Variants in CNPY3 observed in about 807,000 individuals in gnomAD.
The protein encoded by CNPY3 is canopy FGF signaling regulator 3.
A neutral mutation model predicts 32.0 loss-of-function variants in CNPY3; 20 were observed. The ratio of observed to expected loss-of-function variants is 0.63; its 90% CI spans 0.44 to 0.91. The LOEUF (loss-of-function observed/expected upper bound fraction) is 0.91, where lower values mean the gene tolerates loss of function less well. Among genes scored for constraint, CNPY3 ranks in the 40% least tolerant of loss-of-function variants. CNPY3 has a pLI of 0.00. For missense variants in CNPY3, 299 were observed against 340.8 expected (o/e 0.88, Z 0.97); for synonymous variants, 138 against 142.9 (o/e 0.97, Z 0.24).
At chr6:42,935,998 G>A (rs1562543771) in intron 3 of CNPY3, among the ~76,000 whole-genome samples, 1 of 147,180 alleles carries the variant, frequency 6.8e-6, no homozygotes, top group African/African-American at 2.6e-5. Flanking sequence ...AAAGGTGGGG[G>A]TTTAGGCGAG....
chr6:42,934,523 G>A lies in CNPY3; in HGVS notation c.200G>A (p.Gly67Asp). The change falls in exon 2 of 6, where the codon GGC becomes GAC. Residue 67 changes from glycine to aspartate, a missense_variant. Around this residue, in one of 2 missense-constraint regions of CNPY3, gnomAD observed 211 missense variants for 278.3 expected, o/e 0.76. Coordinates refer to ENST00000372836, the MANE Select transcript of CNPY3 (RefSeq NM_006586.5). ...VELKSAFEET[G>D]KTKEVIGTGY... ...CTGAAGTCAGCCTTTGAGGAAACCG[G>A]CAAGACCAAGGAGGTGATTGGCACG... 6.2e-7 allele frequency: 1 copy of A among 1,614,090 alleles called. No homozygotes were observed. The highest frequency in any genetic ancestry group is 1.3e-5 in the African/African-American group (1 of 75,030).
intron 2 of CNPY3, 132 bp downstream of exon 2, chr6:42,934,730 C>T (rs1023399087): frequency 8.3e-7 from 1 of 1,207,736 alleles, no homozygotes; most frequent in Admixed American, 2.3e-5. Context: ...AGTTTGCCCA[C>T]TGATTCTGTC....
At chr6:42,930,770 C>T (rs951036506) in intron 1 of CNPY3, among the ~76,000 whole-genome samples, 6 of 152,158 alleles carry the variant, frequency 3.9e-5, no homozygotes, top group African/African-American at 9.7e-5. Flanking sequence ...GGGTAAGTTT[C>T]GGACACATAA....
At chr6:42,935,390 G>T in intron 2 of CNPY3, 184 bp from the exon 3 acceptor site, 3 of 984,646 alleles carry the variant, frequency 3.0e-6, no homozygotes, top group African/African-American at 3.5e-5. Context: ...TTAAAATTTT[G>T]TCTCTCTGGT....
chr6:42,937,350 C>T lies in CNPY3; in HGVS notation c.373-367C>T, dbSNP rs187199343. On this transcript the variant is annotated intron_variant, in intron 3 of 5. Coordinates refer to ENST00000372836, the MANE Select transcript of CNPY3 (RefSeq NM_006586.5). ...AGGTGCGGTGGCTCACGCCTGTAAT[C>T]TCAGCACTTTGGGAGGCTGAGGTGA... Among the ~76,000 whole-genome samples, 295 of 152,164 alleles carry T rather than the reference C, an allele frequency of 1.9e-3. 1 individual carries two copies. Among genetic ancestry groups the T allele is most frequent in the African/African-American group, 6.4e-3 (267 of 41,518 alleles).
At position 42,929,628 on chromosome 6, in the gene CNPY3, C is replaced by G. The variant is rs756581137; in HGVS notation, c.58C>G (p.Leu20Val). 7 of 1,553,604 alleles carry G rather than the reference C, an allele frequency of 4.5e-6. No individual in the cohort carries two copies. In the African/African-American group the frequency reaches 9.5e-5, roughly 21 times the overall value. The change falls in exon 1 of 6, where the codon CTG (leucine) becomes GTG (valine). Residue 20 changes from leucine to valine, a missense_variant. Physicochemically the swap from Leu to Val is conservative, Grantham distance 32. Coordinates refer to ENST00000372836, the MANE Select transcript of CNPY3 (RefSeq NM_006586.5). ...TCTTCTGCTTCTTCCCTTGCTGCTG[C>G]TGCTGCTGCTGCTGCTGCCGGCCCC... ...RCLLLLPLLL[L>V]LLLLLPAPEL...
upstream of CNPY3, among the ~76,000 whole-genome samples, chr6:42,928,433 G>C (rs1450888742): frequency 6.6e-6 from 1 of 150,742 alleles, no homozygotes; most frequent in Admixed American, 6.6e-5. Flanking sequence ...CATTAGCCAC[G>C]GCGCCTGGCC....
chr6:42,929,748 A>G lies in CNPY3; in HGVS notation c.151+27A>G, dbSNP rs1032303175. ...TGAGGAGGCGGGGCCCGTGGGGCGT[A>G]TCCTGCCGGAGGGGCTGGCTCCAGC... is the stretch of plus-strand genomic sequence containing the variant. On this transcript the variant is annotated intron_variant, in intron 1 of 5. Coordinates refer to ENST00000372836, the MANE Select transcript of CNPY3 (RefSeq NM_006586.5). The G allele has an allele frequency of 5.2e-6, 8 of 1,533,454 alleles. No homozygotes were observed. In the South Asian group the frequency reaches 8.4e-5, roughly 16 times the overall value. 95.0% of individuals were successfully genotyped at this position (1,533,454 alleles called of 1,614,324 possible).
rs752585500 is a variant in CNPY3, at chr6:42,937,753, G to A, written c.409G>A (p.Val137Ile). The A allele has an allele frequency of 3.7e-6, 6 of 1,614,104 alleles. No individual in the cohort carries two copies. The South Asian group carries it at 6.6e-5, about 18-fold the overall frequency. ...GACCTTTGAGACATTACACAACCTG[G>A]TACACAAAGGGGTCAAGGTGGTGAT... ...SETFETLHNL[V>I]HKGVKVVMDI... The change falls in exon 4 of 6, where the codon GTA becomes ATA. Residue 137 changes from valine (V) to isoleucine (I), a missense_variant. Physicochemically the swap from Val to Ile is conservative, Grantham distance 29 (BLOSUM62 3). Around this residue, in one of 2 missense-constraint regions of CNPY3, gnomAD observed 211 missense variants for 278.3 expected, o/e 0.76. Coordinates refer to ENST00000372836, the MANE Select transcript of CNPY3 (RefSeq NM_006586.5).
At chr6:42,931,076 G>A (rs1767768865) in intron 1 of CNPY3, among the ~76,000 whole-genome samples, 1 of 152,056 alleles carries the variant, frequency 6.6e-6, no homozygotes, top group African/African-American at 2.4e-5. Flanking sequence ...TTTTAGTAGA[G>A]ATGGGATTTC....
chr6:42,930,118 G>C (rs1021042032), intron 1 of CNPY3, among the ~76,000 whole-genome samples: 1 of 152,096 alleles, frequency 6.6e-6, no homozygotes, highest in Non-Finnish European at 1.5e-5. Context: ...AAGAGAAGTG[G>C]AAAGAGAGGG....
At position 42,939,142 on chromosome 6, in the gene CNPY3, C is replaced by T; in HGVS notation, c.*351C>T. 2 of 1,085,674 alleles carry T rather than the reference C, an allele frequency of 1.8e-6. No individual in the cohort carries two copies. Among genetic ancestry groups the T allele is most frequent in the Non-Finnish European group, 2.2e-6 (2 of 893,660 alleles). 67.3% of individuals were successfully genotyped at this position (1,085,674 alleles called of 1,614,324 possible). On this transcript the variant is annotated 3_prime_UTR_variant, in exon 6 of 6. Coordinates refer to ENST00000372836, the MANE Select transcript of CNPY3 (RefSeq NM_006586.5). ...ACCAAACTCACCATCCCTCAGTCCTCCCCAACAGGGTACTAGGACTGCAGC... is the reference window on the plus strand; with the variant it reads ...ACCAAACTCACCATCCCTCAGTCCTTCCCAACAGGGTACTAGGACTGCAGC...
chr6:42,937,580 C>T, intron 3 of CNPY3, 137 bp from the exon 4 acceptor site: 1 of 910,312 alleles, frequency 1.1e-6, no homozygotes, highest in Non-Finnish European at 1.7e-6. Context: ...GAGACTCCTT[C>T]TCAAAAAAAA....
rs1332235631 is a variant in CNPY3 at position 42,937,897 on chromosome 6, T to G, written c.495+58T>G. ...GTGCCCAGTGAGGGGCTGGTGGGGA[T>G]TGGGTCTGCTCTGAGGAAGTCCACC... is the stretch of plus-strand genomic sequence containing the variant. On this transcript the variant is annotated intron_variant, in intron 4 of 5. Transcript: ENST00000372836. 5 of 1,607,950 alleles carry G rather than the reference T, an allele frequency of 3.1e-6. No homozygotes were observed. The Admixed American group carries it at 8.4e-5, about 27-fold the overall frequency.
chr6:42,938,250 G>A (rs764445271), intron 5 of CNPY3, 43 bp downstream of exon 5: 1 of 1,468,688 alleles, frequency 6.8e-7, no homozygotes, highest in Non-Finnish European at 9.5e-7. Context: ...TGGATGATTT[G>A]TTTGCTCTCC....
upstream of CNPY3, chr6:42,929,460 G>A (rs1313095525): frequency 1.3e-5 from 15 of 1,163,164 alleles, no homozygotes; most frequent in African/African-American, 1.6e-5. Flanking sequence ...CTGTTGTCGT[G>A]GTTGCTCGGA....
upstream of CNPY3, chr6:42,929,425 G>C: frequency 1.2e-6 from 1 of 867,610 alleles, no homozygotes; most frequent in Non-Finnish European, 1.7e-6. Flanking sequence ...CTGCGGCTGC[G>C]AGAGGAGGGC....
upstream of CNPY3, among the ~76,000 whole-genome samples, chr6:42,928,972 G>A (rs1369667767): frequency 6.6e-6 from 1 of 152,144 alleles, no homozygotes; most frequent in African/African-American, 2.4e-5. Context: ...TGAAGGCTGG[G>A]GACAGTTTGA....
chr6:42,928,863 G>A (rs904146740), upstream of CNPY3, among the ~76,000 whole-genome samples: 2 of 152,124 alleles, frequency 1.3e-5, no homozygotes, highest in East Asian at 1.9e-4. Flanking sequence ...CAGCAGCTAG[G>A]AGGATCACTT....
Sources: allele counts gnomAD v4.1 joint callset (sites outside exome capture counted in the v4.1 genomes callset), GRCh38; gene constraint gnomAD v4.1.1; regional missense constraint gnomAD v4.1.1; transcripts MANE v1.5; gene names NCBI Gene and HGNC (gene_info 2026-07-23, HGNC 2026-07-21).